ATF4: variants seen among roughly 807,000 people sequenced by gnomAD.
ATF4 encodes cyclic AMP-dependent transcription factor ATF-4.
Under a neutral mutation model 21.0 loss-of-function variants are expected in ATF4, and 8 were observed. That is an observed-to-expected ratio of 0.38 (90% CI 0.22 to 0.69). The LOEUF (loss-of-function observed/expected upper bound fraction) is 0.69, where lower values mean the gene tolerates loss of function less well. ATF4 is among the 30% of genes least tolerant of loss of function. The probability of loss-of-function intolerance (pLI) is 0.49; values close to 1 mark genes in which losing one functional copy is unlikely to be tolerated. For synonymous variants in ATF4, 241 were observed against 166.4 expected, an observed-to-expected ratio of 1.45 and a Z score of -3.45; for missense variants, 549 against 425.9, an observed-to-expected ratio of 1.29 and a Z score of -2.54.
Position 39,521,471 on chromosome 22 carries a change from G to A in ATF4, c.26G>A (p.Ser9Asn), listed in dbSNP as rs779630800. ...ATGACCGAAATGAGCTTCCTGAGCA[G>A]CGAGGTGTTGGTGGGGGACTTGATG... MTEMSFLSSEVLVGDLMSP... is the reference protein window; with the variant it reads MTEMSFLSNEVLVGDLMSP... Residue 9 changes from serine to asparagine, a missense_variant, in exon 2 of 3, where the codon AGC becomes AAC. Transcript: ENST00000674920. The A allele has an allele frequency of 3.8e-6, 6 of 1,562,498 alleles. No homozygotes were observed. The highest frequency in any genetic ancestry group is 3.5e-6 in the Non-Finnish European group (4 of 1,152,846).
At position 39,522,229 on chromosome 22, in the gene ATF4, A is replaced by C; in HGVS notation, c.683A>C (p.Tyr228Ser). The change falls in exon 3 of 3, where the codon TAT becomes TCT. Residue 228 changes from tyrosine to serine, a missense_variant. Physicochemically the swap from Tyr to Ser is moderately radical, Grantham distance 144. Transcript: ENST00000674920. ...DSGICMSPES[Y>S]LGSPQHSPST... is the part of the protein sequence containing the mutation. ...GGCATCTGTATGAGCCCAGAGTCCTATCTGGGGTCTCCTCAGCACAGCCCC... is the reference window on the plus strand; with the variant it reads ...GGCATCTGTATGAGCCCAGAGTCCTCTCTGGGGTCTCCTCAGCACAGCCCC... 1.2e-6 allele frequency: 2 copies of C among 1,608,978 alleles called. No individual in the cohort carries two copies. Among genetic ancestry groups the C allele is most frequent in the Non-Finnish European group, 1.7e-6 (2 of 1,176,940 alleles).
rs1158398175 is a variant in ATF4 at position 39,522,076 on chromosome 22, C to G, written c.530C>G (p.Ser177Cys). ...PGVLSSTPDH[S>C]FSLELGSEVD... ...GTCCTGTCCTCCACTCCAGATCATT[C>G]CTTTAGTTTAGAGCTGGGCAGTGAA... The change falls in exon 3 of 3, where the codon TCC becomes TGC. Residue 177 changes from serine (S) to cysteine (C), a missense_variant. Ser to Cys is a moderately radical substitution (Grantham distance 112). Coordinates refer to ENST00000674920, the MANE Select transcript of ATF4 (RefSeq NM_182810.3). The G allele has an allele frequency of 6.2e-7, 1 of 1,613,934 alleles. No individual in the cohort carries two copies. Among genetic ancestry groups the G allele is most frequent in the Non-Finnish European group, 8.5e-7 (1 of 1,179,864 alleles).
rs951648088 is a variant in ATF4 at position 39,522,118 on chromosome 22, G to A, written c.572G>A (p.Gly191Glu). ...ELGSEVDITEGDRKPDYTAYV... is the reference protein window; with the variant it reads ...ELGSEVDITEEDRKPDYTAYV... ...GGCAGTGAAGTGGATATCACTGAAG[G>A]AGATAGGAAGCCAGACTACACTGCT... The change falls in exon 3 of 3, where the codon GGA becomes GAA. Residue 191 changes from glycine to glutamate, a missense_variant. Gly to Glu is a moderately conservative substitution (Grantham distance 98). Coordinates refer to ENST00000674920, the MANE Select transcript of ATF4 (RefSeq NM_182810.3). The A allele has an allele frequency of 2.5e-6, 4 of 1,613,786 alleles. 1 individual carries two copies. The South Asian group carries it at 3.3e-5, about 13-fold the overall frequency.
In ATF4 at chr22:39,522,248, C is replaced by T. The variant is rs1396560527; in HGVS notation, c.702C>T (p.His234=). ...SPESYLGSPQ[H]SPSTRGSPNR... ...AGTCCTATCTGGGGTCTCCTCAGCA[C>T]AGCCCCTCTACCAGGGGCTCTCCAA... Residue 234 remains histidine, a synonymous_variant, in exon 3 of 3, where the codon CAC becomes CAT. Transcript: ENST00000674920. The T allele has an allele frequency of 1.2e-6, 2 of 1,608,822 alleles. No individual in the cohort carries two copies. Among genetic ancestry groups the T allele is most frequent in the Non-Finnish European group, 8.5e-7 (1 of 1,177,518 alleles).
In ATF4 at chr22:39,522,670, A is replaced by AT; in HGVS notation, c.*72dup. On this transcript the variant is annotated 3_prime_UTR_variant, in exon 3 of 3. Transcript: ENST00000674920. ...CTGTAGCTGTGTGTTCCAATAAATT[A>AT]TTTTGTAGGGAAAGTACTTGTGCGT... 2 of 1,360,522 alleles carry AT rather than the reference A, an allele frequency of 1.5e-6. No homozygotes were observed. Among genetic ancestry groups the AT allele is most frequent in the South Asian group, 3.3e-5 (2 of 60,978 alleles). 84.3% of individuals were successfully genotyped at this position (1,360,522 alleles called of 1,614,324 possible).
At position 39,521,953 on chromosome 22, in the gene ATF4, A is replaced by G; in HGVS notation, c.407A>G (p.Gln136Arg). ...LVQETNKQPP[Q>R]TVNPIGHLPE... ...CAGGAGACTAATAAGCAGCCCCCCC[A>G]GACGGTGAACCCAATTGGCCATCTC... Residue 136 changes from glutamine to arginine, a missense_variant, in exon 3 of 3, where the codon CAG becomes CGG. By Grantham distance (43) the Gln-to-Arg change is conservative (BLOSUM62 1). Transcript: ENST00000674920. 4 of 1,605,558 alleles carry G rather than the reference A, an allele frequency of 2.5e-6. No homozygotes were observed. The highest frequency in any genetic ancestry group is 3.4e-6 in the Non-Finnish European group (4 of 1,175,702).
chr22:39,522,022 T>C lies in ATF4; in HGVS notation c.476T>C (p.Phe159Ser), dbSNP rs202175644. The change falls in exon 3 of 3, where the codon TTC (phenylalanine) becomes TCC (serine). Residue 159 changes from phenylalanine (F) to serine (S), a missense_variant. Phe to Ser is a radical substitution (Grantham distance 155, BLOSUM62 -2). Coordinates refer to ENST00000674920, the MANE Select transcript of ATF4 (RefSeq NM_182810.3). ...TKPDQVAPFT[F>S]LQPLPLSPGV... ...CCCGACCAGGTTGCCCCCTTCACCT[T>C]CTTACAACCTCTTCCCCTTTCCCCA... 27 of 1,613,488 alleles carry C rather than the reference T, an allele frequency of 1.7e-5. No homozygotes were observed. Among genetic ancestry groups the C allele is most frequent in the Middle Eastern group, 1.6e-4 (1 of 6,078 alleles).
chr22:39,521,643 G>T lies in ATF4; in HGVS notation c.198G>T (p.Gly66=), dbSNP rs745825795. The T allele has an allele frequency of 6.8e-6, 11 of 1,614,126 alleles. No individual in the cohort carries two copies. In the African/African-American group the frequency reaches 1.3e-4, roughly 20 times the overall value. ...CCTCCGAATGGCTGGCTGTGGATGG[G>T]TTGGTCAGTCCCTCCAACAACAGCA... The part of the protein sequence containing the change: ...AGSSEWLAVD[G]LVSPSNNSKE... The change falls in exon 2 of 3, where the codon GGG becomes GGT. Residue 66 remains glycine, a synonymous_variant. Coordinates refer to ENST00000674920, the MANE Select transcript of ATF4 (RefSeq NM_182810.3).
rs1930930627 is a variant in ATF4 at position 39,521,347 on chromosome 22, C to T, written c.-92-7C>T. 1.3e-5 allele frequency: 14 copies of T among 1,056,326 alleles called. No homozygotes were observed. The Middle Eastern group carries it at 9.7e-4, about 73-fold the overall frequency. 65.4% of individuals were successfully genotyped at this position (1,056,326 alleles called of 1,614,324 possible). On this transcript the variant is annotated splice_region_variant and splice_polypyrimidine_tract_variant and intron_variant, in intron 1 of 2. Transcript: ENST00000674920. ...CTAATGGGAGTTGGCTTCTGATTCTCATTCAGGCTTCTCACGGCATTCAGC... is the reference window on the plus strand; with the variant it reads ...CTAATGGGAGTTGGCTTCTGATTCTTATTCAGGCTTCTCACGGCATTCAGC...
rs772729966 is a variant in ATF4, at chr22:39,522,406, A to G, written c.860A>G (p.Gln287Arg). 9 of 1,613,246 alleles carry G rather than the reference A, an allele frequency of 5.6e-6. No individual in the cohort carries two copies. The highest frequency in any genetic ancestry group is 5.0e-5 in the Admixed American group (3 of 59,872). Residue 287 changes from glutamine (Q) to arginine (R), a missense_variant, in exon 3 of 3, where the codon CAA (glutamine) becomes CGA (arginine). Gln to Arg is a conservative substitution (Grantham distance 43). Coordinates refer to ENST00000674920, the MANE Select transcript of ATF4 (RefSeq NM_182810.3). ...GATAAGAAGCTGAAAAAAATGGAGC[A>G]AAACAAGACAGCAGCCACTAGGTAC... ...KLDKKLKKMEQNKTAATRYRQ... is the reference protein window; with the variant it reads ...KLDKKLKKMERNKTAATRYRQ...
chr22:39,521,697 C>T, intron 2 of ATF4, 26 bp downstream of exon 2: 1 of 1,610,578 alleles, frequency 6.2e-7, no homozygotes, highest in East Asian at 2.2e-5. Flanking sequence ...CCACATCGTC[C>T]TGGTGGGATC....
At chr22:39,520,991 C>G (rs925322698) in intron 1 of ATF4, 1 of 153,912 alleles carries the variant, frequency 6.5e-6, no homozygotes, top group African/African-American at 2.4e-5. Flanking sequence ...CCCCGAGCCC[C>G]GCAAGGGTCC....
At position 39,521,874 on chromosome 22, in the gene ATF4, G is replaced by T; in HGVS notation, c.328G>T (p.Asp110Tyr). Residue 110 changes from aspartate (D) to tyrosine (Y), a missense_variant, in exon 3 of 3, where the codon GAT becomes TAT. By Grantham distance (160) the Asp-to-Tyr change is radical. Coordinates refer to ENST00000674920, the MANE Select transcript of ATF4 (RefSeq NM_182810.3). ...TATAGATGACCTGGAAACCATGCCA[G>T]ATGACCTTCTGACCACGTTGGATGA... ...LGIDDLETMP[D>Y]DLLTTLDDTC... The T allele has an allele frequency of 6.2e-7, 1 of 1,614,204 alleles. No homozygotes were observed. The highest frequency in any genetic ancestry group is 1.7e-5 in the Admixed American group (1 of 60,028).
In ATF4 at chr22:39,522,477, A is replaced by C. The variant is rs779098982; in HGVS notation, c.931A>C (p.Lys311Gln). The C allele has an allele frequency of 1.9e-6, 3 of 1,613,376 alleles. No individual in the cohort carries two copies. The change falls in exon 3 of 3, where the codon AAA becomes CAA. Residue 311 changes from lysine (K) to glutamine (Q), a missense_variant. Lys to Gln is a moderately conservative substitution (Grantham distance 53). Coordinates refer to ENST00000674920, the MANE Select transcript of ATF4 (RefSeq NM_182810.3). ...AEQEALTGEC[K>Q]ELEKKNEALK... is the part of the protein sequence containing the mutation. ...GCAGGAGGCTCTTACTGGTGAGTGC[A>C]AAGAGCTGGAAAAGAAGAACGAGGC...
rs1244658338 is a variant in ATF4 at position 39,521,434 on chromosome 22, A to G, written c.-12A>G. Reference sequence around the variant, plus strand: ...TTAAGCACATTCCTCGATTCCAGCAAAGCACCGCAACATGACCGAAATGAG... The same window carrying G: ...TTAAGCACATTCCTCGATTCCAGCAGAGCACCGCAACATGACCGAAATGAG... On this transcript the variant is annotated 5_prime_UTR_variant, in exon 2 of 3. Transcript: ENST00000674920. 1 of 1,524,016 alleles carries G rather than the reference A, an allele frequency of 6.6e-7. No individual in the cohort carries two copies. The highest frequency in any genetic ancestry group is 1.4e-5 in the African/African-American group (1 of 71,822). 94.4% of individuals were successfully genotyped at this position (1,524,016 alleles called of 1,614,324 possible).
rs1223875615 is a variant in ATF4 at position 39,521,595 on chromosome 22, C to T, written c.150C>T (p.Ser50=). The part of the protein sequence containing the change: ...VAKHFKPHGF[S]SDKAKAGSSE... ...AGCACTTCAAACCTCATGGGTTCTC[C>T]AGCGACAAGGCTAAGGCGGGCTCCT... is the stretch of plus-strand genomic sequence containing the variant. Residue 50 remains serine, a synonymous_variant, in exon 2 of 3, where the codon TCC becomes TCT. Coordinates refer to ENST00000674920, the MANE Select transcript of ATF4 (RefSeq NM_182810.3). 4.3e-6 allele frequency: 7 copies of T among 1,613,982 alleles called. No homozygotes were observed. Among genetic ancestry groups the T allele is most frequent in the Non-Finnish European group, 5.9e-6 (7 of 1,180,024 alleles).
chr22:39,522,342 G>A lies in ATF4; in HGVS notation c.796G>A (p.Glu266Lys). The A allele has an allele frequency of 6.2e-7, 1 of 1,612,980 alleles. No homozygotes were observed. Among genetic ancestry groups the A allele is most frequent in the South Asian group, 1.1e-5 (1 of 90,804 alleles). The change falls in exon 3 of 3, where the codon GAG becomes AAG. Residue 266 changes from glutamate (E) to lysine (K), a missense_variant. By Grantham distance (56) the Glu-to-Lys change is moderately conservative. Transcript: ENST00000674920. ...ARPKPYDPPG[E>K]KMVAAKVKGE... The stretch of plus-strand genomic sequence containing the variant: ...TCCCAAACCTTACGATCCTCCTGGA[G>A]AGAAGATGGTAGCAGCAAAAGTAAA...
In ATF4 at chr22:39,522,098, T is replaced by G. The variant is rs751236282; in HGVS notation, c.552T>G (p.Ser184Arg). The G allele has an allele frequency of 1.2e-6, 2 of 1,613,936 alleles. No individual in the cohort carries two copies. The highest frequency in any genetic ancestry group is 1.7e-6 in the Non-Finnish European group (2 of 1,179,852). ...PDHSFSLELGSEVDITEGDRK... is the reference protein window; with the variant it reads ...PDHSFSLELGREVDITEGDRK... ...ATTCCTTTAGTTTAGAGCTGGGCAGTGAAGTGGATATCACTGAAGGAGATA... is the reference window on the plus strand; with the variant it reads ...ATTCCTTTAGTTTAGAGCTGGGCAGGGAAGTGGATATCACTGAAGGAGATA... Residue 184 changes from serine (S) to arginine (R), a missense_variant, in exon 3 of 3, where the codon AGT (serine) becomes AGG (arginine). Transcript: ENST00000674920.
chr22:39,521,955 A>G lies in ATF4; in HGVS notation c.409A>G (p.Thr137Ala), dbSNP rs150385569. ...VQETNKQPPQ[T>A]VNPIGHLPES... Reference sequence around the variant, plus strand: ...GGAGACTAATAAGCAGCCCCCCCAGACGGTGAACCCAATTGGCCATCTCCC... The same window carrying G: ...GGAGACTAATAAGCAGCCCCCCCAGGCGGTGAACCCAATTGGCCATCTCCC... The change falls in exon 3 of 3, where the codon ACG (threonine) becomes GCG (alanine). Residue 137 changes from threonine to alanine, a missense_variant. Transcript: ENST00000674920. 25 of 1,605,392 alleles carry G rather than the reference A, an allele frequency of 1.6e-5. 1 individual carries two copies. The South Asian group carries it at 2.6e-4, about 17-fold the overall frequency.
Sources: gnomAD v4.1 joint callset for allele counts on GRCh38, gnomAD v4.1.1 for gene constraint, MANE v1.5 for transcripts, NCBI Gene and HGNC (gene_info 2026-07-23, HGNC 2026-07-21) for gene names.